PDZRN4: variants seen among roughly 807,000 people sequenced by gnomAD.
PDZRN4 encodes the protein PDZ domain-containing RING finger protein 4.
PDZRN4 carries 70 observed loss-of-function variants against 99.0 expected under a neutral mutation model. The ratio of observed to expected loss-of-function variants is 0.71; its 90% CI spans 0.58 to 0.86. The LOEUF (loss-of-function observed/expected upper bound fraction) is 0.86, where lower values mean the gene tolerates loss of function less well. Among genes scored for constraint, PDZRN4 ranks in the 40% least tolerant of loss-of-function variants. The pLI, the probability that PDZRN4 is intolerant of heterozygous loss-of-function variation, is 0.00. For missense variants in PDZRN4, 1,474 were observed against 1,331.2 expected, an observed-to-expected ratio of 1.11 and a Z score of -1.67; for synonymous variants, 551 against 501.6, an observed-to-expected ratio of 1.10 and a Z score of -1.32.
chr12:41,192,162 G>A (rs1238414719), intron 2 of PDZRN4, among the ~76,000 whole-genome samples: 1 of 152,062 alleles, frequency 6.6e-6, no homozygotes, highest in African/African-American at 2.4e-5. Context: ...CTGGAGTGCA[G>A]TAGCGTGATC....
chr12:41,374,279 G>A (rs1008358321), intron 3 of PDZRN4, among the ~76,000 whole-genome samples: 2 of 152,118 alleles, frequency 1.3e-5, no homozygotes, highest in African/African-American at 4.8e-5. Context: ...CCCCTTCCTG[G>A]GAAGGGAGTT....
intron 3 of PDZRN4, among the ~76,000 whole-genome samples, chr12:41,244,837 A>C (rs1444562304): frequency 1.6e-4 from 22 of 141,812 alleles, no homozygotes; most frequent in Non-Finnish European, 7.7e-5. Context: ...GGCGCCCGCC[A>C]CCGCGCCCGG....
chr12:41,509,681 T>G (rs1938273046), intron 4 of PDZRN4, 130 bp from the exon 5 acceptor site: 1 of 498,700 alleles, frequency 2.0e-6, no homozygotes, highest in Non-Finnish European at 3.6e-6. Context: ...AGCTGTAGTT[T>G]GTTTAAAGAC....
chr12:41,198,056 A>G (rs892312587), intron 3 of PDZRN4, among the ~76,000 whole-genome samples: 2 of 151,544 alleles, frequency 1.3e-5, no homozygotes, highest in African/African-American at 4.8e-5. Flanking sequence ...CTGGGACTAC[A>G]GGTGCACCCC....
intron 3 of PDZRN4, among the ~76,000 whole-genome samples, chr12:41,308,009 G>A (rs1951583427): frequency 6.6e-6 from 1 of 151,948 alleles, no homozygotes; most frequent in South Asian, 2.1e-4. Context: ...GTTATTAAGT[G>A]GTTGAATTTA....
intron 3 of PDZRN4, among the ~76,000 whole-genome samples, chr12:41,420,181 AT>A (rs1479329372): frequency 6.6e-6 from 1 of 152,162 alleles, no homozygotes; most frequent in Non-Finnish European, 1.5e-5. Flanking sequence ...TTTAGTCAGA[AT>A]TGTCTTCTGC....
chr12:41,449,177 C>T (rs1952754188), intron 3 of PDZRN4, among the ~76,000 whole-genome samples: 1 of 152,186 alleles, frequency 6.6e-6, no homozygotes. Context: ...TAATACTCCT[C>T]AAAGTGTGGT....
rs146391804 is a variant in PDZRN4 at position 41,347,673 on chromosome 12, T to C, written c.843+153485T>C. ...ACAGTCTAACTAATGTATATTTTCTTTTGTTACTTATGCTTTAGGTGTCAT... is the reference window on the plus strand; with the variant it reads ...ACAGTCTAACTAATGTATATTTTCTCTTGTTACTTATGCTTTAGGTGTCAT... On this transcript the variant is annotated intron_variant, in intron 3 of 9. Transcript: ENST00000402685. Among the ~76,000 whole-genome samples the C allele has an allele frequency of 3.1e-3, 475 of 152,300 alleles. 5 individuals are homozygous for C. The highest frequency in any genetic ancestry group is 0.011 in the African/African-American group (452 of 41,582).
intron 3 of PDZRN4, among the ~76,000 whole-genome samples, chr12:41,213,288 A>C (rs1591970392): frequency 6.6e-6 from 1 of 152,068 alleles, no homozygotes; most frequent in Admixed American, 6.6e-5. Flanking sequence ...CTAGTCAGCC[A>C]GTGCAGTAGT....
At chr12:41,189,297 T>G in intron 1 of PDZRN4, among the ~76,000 whole-genome samples, 194 bp downstream of exon 1, 1 of 152,128 alleles carries the variant, frequency 6.6e-6, no homozygotes, top group South Asian at 2.1e-4. Flanking sequence ...GGATTGTCCC[T>G]TTTCTGATTA....
At chr12:41,403,694 C>T (rs1403837278) in intron 3 of PDZRN4, among the ~76,000 whole-genome samples, 1 of 152,074 alleles carries the variant, frequency 6.6e-6, no homozygotes, top group Non-Finnish European at 1.5e-5. Flanking sequence ...GATTGTTTTT[C>T]TGACAATAAG....
At chr12:41,507,792 C>T (rs1938233483) in intron 4 of PDZRN4, among the ~76,000 whole-genome samples, 1 of 136,798 alleles carries the variant, frequency 7.3e-6, no homozygotes, top group African/African-American at 3.2e-5. Flanking sequence ...TTGGGTATCT[C>T]TTTATTTTAA....
Position 41,311,382 on chromosome 12 carries a change from C to T in PDZRN4, c.843+117194C>T, listed in dbSNP as rs536797925. On this transcript the variant is annotated intron_variant, in intron 3 of 9. Transcript: ENST00000402685. ...CACAATATAGGAGTTCAGAATGAGG[C>T]GGTGTGATGTCACATGCTGGAATTT... 3.8e-4 allele frequency among the ~76,000 whole-genome samples: 58 copies of T among 151,990 alleles called. 1 individual carries two copies. Among genetic ancestry groups the T allele is most frequent in the South Asian group, 1.9e-3 (9 of 4,808 alleles).
intron 3 of PDZRN4, among the ~76,000 whole-genome samples, chr12:41,490,636 A>T (rs1359701488): frequency 6.6e-6 from 1 of 152,078 alleles, no homozygotes; most frequent in Non-Finnish European, 1.5e-5. Flanking sequence ...CCCCCACAGG[A>T]GCACCTCCTC....
intron 3 of PDZRN4, among the ~76,000 whole-genome samples, chr12:41,359,464 G>T (rs1951950163): frequency 6.6e-6 from 1 of 151,960 alleles, no homozygotes; most frequent in South Asian, 2.1e-4. Flanking sequence ...GCACTGACAT[G>T]GTTTGGTTGT....
chr12:41,330,604 A>G (rs747636928), intron 3 of PDZRN4, among the ~76,000 whole-genome samples: 6 of 152,058 alleles, frequency 3.9e-5, no homozygotes, highest in Non-Finnish European at 8.8e-5. Flanking sequence ...CACAATATAA[A>G]TATGCTGGAA....
In PDZRN4 at chr12:41,572,405, A is replaced by G. The variant is rs1372799173; in HGVS notation, c.1626A>G (p.Ala542=). The change falls in exon 10 of 10, where the codon GCA becomes GCG. Residue 542 remains alanine, a synonymous_variant. Transcript: ENST00000402685. The part of the protein sequence containing the change: ...QEEEEGTTDT[A]TSSSNNHEKD... ...AAGAAGAAGGCACAACAGACACTGC[A>G]ACATCCTCATCCAACAACCATGAGA... The G allele has an allele frequency of 6.2e-7, 1 of 1,614,022 alleles. No homozygotes were observed. Among genetic ancestry groups the G allele is most frequent in the Non-Finnish European group, 8.5e-7 (1 of 1,180,014 alleles).
chr12:41,539,917 A>G (rs1315108025), intron 5 of PDZRN4, among the ~76,000 whole-genome samples: 3 of 152,170 alleles, frequency 2.0e-5, no homozygotes, highest in African/African-American at 4.8e-5. Context: ...ATTCAGGTCT[A>G]CTAATTGGTT....
At chr12:41,413,882 T>C (rs1489343861) in intron 3 of PDZRN4, among the ~76,000 whole-genome samples, 2 of 152,154 alleles carry the variant, frequency 1.3e-5, no homozygotes, top group Non-Finnish European at 2.9e-5. Flanking sequence ...TTTCATAGTT[T>C]CTATTGTGTG....
Sources: allele counts gnomAD v4.1 joint callset (sites outside exome capture counted in the v4.1 genomes callset), GRCh38; gene constraint gnomAD v4.1.1; transcripts MANE v1.5; gene names NCBI Gene and HGNC (gene_info 2026-07-23, HGNC 2026-07-21).